The following WFDC10B variants were observed in gnomAD, a reference collection of about 807,000 sequenced individuals.
WFDC10B encodes the protein protein WFDC10B.
A neutral mutation model predicts 2.7 loss-of-function variants in WFDC10B; 1 was observed. The ratio of observed to expected loss-of-function variants is 0.38; its 90% CI spans 0.13 to 1.79. The LOEUF is 1.79. Among genes scored for constraint, WFDC10B ranks in the 40% most tolerant of loss-of-function variants. The pLI is 0.33. For synonymous variants in WFDC10B, 26 were observed against 32.2 expected, an observed-to-expected ratio of 0.81 and a Z score of 0.65; for missense variants, 71 against 87.8, an observed-to-expected ratio of 0.81 and a Z score of 0.76.
At chr20:45,685,256 C>G (rs1983569608) in intron 3 of WFDC10B, among the ~76,000 whole-genome samples, 1 of 152,076 alleles carries the variant, frequency 6.6e-6, no homozygotes, top group South Asian at 2.1e-4. Flanking sequence ...TGAAGTCACC[C>G]CCATAGAATC....
intron 1 of WFDC10B, 97 bp downstream of exon 1, chr20:45,704,821 A>C: frequency 7.1e-7 from 1 of 1,400,624 alleles, no homozygotes; most frequent in Non-Finnish European, 1.0e-6. Flanking sequence ...CATATCCGTG[A>C]ATTTCTGACT....
At chr20:45,692,147 G>A (rs929064143) in intron 2 of WFDC10B, among the ~76,000 whole-genome samples, 5 of 152,064 alleles carry the variant, frequency 3.3e-5, no homozygotes, top group African/African-American at 7.2e-5. Flanking sequence ...TTCCTTTAAG[G>A]ATGTTGAATA....
At chr20:45,692,453 T>C (rs373894281) in intron 2 of WFDC10B, among the ~76,000 whole-genome samples, 4 of 152,206 alleles carry the variant, frequency 2.6e-5, no homozygotes, top group African/African-American at 7.2e-5. Flanking sequence ...TTCCATTCTC[T>C]CTGTCACTTT....
At chr20:45,702,030 A>G in intron 2 of WFDC10B, 1 of 1,203,132 alleles carries the variant, frequency 8.3e-7, no homozygotes, top group Non-Finnish European at 1.2e-6. Context: ...CTGGGCCTCC[A>G]CTTTGCCCTC....
chr20:45,702,231 C>T lies in WFDC10B; in HGVS notation c.-65+2266G>A, dbSNP rs748030919. The T allele has an allele frequency of 1.4e-5, 22 of 1,604,570 alleles. No individual in the cohort carries two copies. In the East Asian group the frequency reaches 4.7e-4, roughly 34 times the overall value. On this transcript the variant is annotated intron_variant, in intron 2 of 3. Transcript: ENST00000330523. Reference sequence around the variant, plus strand: ...TTCTGAGTAGGTGCTGGATCTGGGCCCAAGGAGGGAAGTAACATGTGTGGA... The same window carrying T: ...TTCTGAGTAGGTGCTGGATCTGGGCTCAAGGAGGGAAGTAACATGTGTGGA...
intron 2 of WFDC10B, among the ~76,000 whole-genome samples, chr20:45,699,521 A>T (rs1034636775): frequency 1.3e-5 from 2 of 152,186 alleles, no homozygotes; most frequent in East Asian, 1.9e-4. Context: ...AACATTTCCT[A>T]CCCAATTGTT....
intron 2 of WFDC10B, among the ~76,000 whole-genome samples, chr20:45,704,139 C>G (rs1304605372): frequency 1.3e-5 from 2 of 152,206 alleles, no homozygotes; most frequent in Non-Finnish European, 2.9e-5. Context: ...ACCATTGATA[C>G]CCTTGATATG....
At chr20:45,691,019 G>A (rs952176592) in intron 2 of WFDC10B, among the ~76,000 whole-genome samples, 2 of 152,236 alleles carry the variant, frequency 1.3e-5, no homozygotes, top group East Asian at 1.9e-4. Context: ...GTGTCCCAGA[G>A]GTTCTAGTAT....
chr20:45,700,815 A>G (rs1984130572), intron 2 of WFDC10B, among the ~76,000 whole-genome samples: 1 of 152,240 alleles, frequency 6.6e-6, no homozygotes, highest in Non-Finnish European at 1.5e-5. Context: ...TCAAGGGCCT[A>G]GCGAGCACAG....
intron 1 of WFDC10B, 161 bp from the exon 2 acceptor site, chr20:45,704,722 A>G (rs2145645771): frequency 7.0e-7 from 1 of 1,430,306 alleles, no homozygotes; most frequent in Non-Finnish European, 9.4e-7. Flanking sequence ...CATGTTGCCA[A>G]CATGCCCCTT....
chr20:45,703,305 G>A (rs369056809), intron 2 of WFDC10B, among the ~76,000 whole-genome samples: 121 of 152,174 alleles, frequency 8.0e-4, no homozygotes, highest in African/African-American at 2.9e-3. Context: ...AGAGGCCAGG[G>A]GTGAGTACTA....
intron 3 of WFDC10B, 141 bp downstream of exon 3, chr20:45,685,761 C>T: frequency 7.2e-7 from 1 of 1,383,900 alleles, no homozygotes; most frequent in East Asian, 2.6e-5. Flanking sequence ...TGGTTTGGGA[C>T]AGCCCAGAGT....
chr20:45,685,794 C>A, intron 3 of WFDC10B, 108 bp downstream of exon 3: 1 of 1,506,342 alleles, frequency 6.6e-7, no homozygotes, highest in Non-Finnish European at 8.9e-7. Flanking sequence ...GTGGTCAGAG[C>A]TGGATATGCA....
Position 45,697,830 on chromosome 20 carries a change from G to A in WFDC10B, c.-65+6667C>T, listed in dbSNP as rs376135484. Among the ~76,000 whole-genome samples the A allele has an allele frequency of 1.3e-4, 19 of 142,190 alleles. No homozygotes were observed. In the South Asian group the frequency reaches 1.8e-3, roughly 13 times the overall value. 93.3% of individuals were successfully genotyped at this position (142,190 alleles called of 152,430 possible). A position where few individuals can be genotyped will look rare whatever the true frequency, so the allele number is the denominator to read the frequency against. On this transcript the variant is annotated intron_variant, in intron 2 of 3. Transcript: ENST00000330523. ...GCGAGCTCAGCTCACTGCAACCTCC[G>A]CCTCCCAGGTTCAAGCAATTCTCCT... is the stretch of plus-strand genomic sequence containing the variant.
In WFDC10B at chr20:45,689,883, A is replaced by G. The variant is rs921265844; in HGVS notation, c.-64-3827T>C. Among the ~76,000 whole-genome samples, 38 of 152,222 alleles carry G rather than the reference A, an allele frequency of 2.5e-4. 1 individual carries two copies. The highest frequency in any genetic ancestry group is 9.2e-4 in the Admixed American group (14 of 15,276). On this transcript the variant is annotated intron_variant, in intron 2 of 3. Transcript: ENST00000330523. The stretch of plus-strand genomic sequence containing the variant: ...GCCAGAACTTCCAACACTATGTTGA[A>G]TAGGAGTGGTGAGAGAGGGCATCCC...
At chr20:45,690,607 G>T (rs1297511336) in intron 2 of WFDC10B, among the ~76,000 whole-genome samples, 2 of 152,026 alleles carry the variant, frequency 1.3e-5, no homozygotes, top group African/African-American at 4.8e-5. Flanking sequence ...ATTTCTTCTA[G>T]ATTTTCTAGT....
At chr20:45,695,284 A>C (rs1316014578) in intron 2 of WFDC10B, among the ~76,000 whole-genome samples, 1 of 152,190 alleles carries the variant, frequency 6.6e-6, no homozygotes, top group East Asian at 1.9e-4. Context: ...ATTAAATTAA[A>C]TTTTGGAACA....
At chr20:45,704,633 G>A in intron 1 of WFDC10B, 72 bp from the exon 2 acceptor site, 1 of 1,606,018 alleles carries the variant, frequency 6.2e-7, no homozygotes, top group Non-Finnish European at 8.5e-7. Flanking sequence ...TCCTAGAGCT[G>A]CTGGTGGGAG....
At chr20:45,690,384 T>C (rs1219128549) in intron 2 of WFDC10B, among the ~76,000 whole-genome samples, 4 of 152,144 alleles carry the variant, frequency 2.6e-5, no homozygotes, top group African/African-American at 9.7e-5. Flanking sequence ...TCCCTCTTTT[T>C]CTATTGGTTG....
Sources: allele counts gnomAD v4.1 joint callset (sites outside exome capture counted in the v4.1 genomes callset), GRCh38; gene constraint gnomAD v4.1.1; transcripts MANE v1.5; gene names NCBI Gene and HGNC (gene_info 2026-07-23, HGNC 2026-07-21).